Variants in GCSH observed in about 807,000 individuals in gnomAD.
GCSH encodes the protein glycine cleavage system protein H, also known as glycine cleavage system H protein, mitochondrial.
GCSH carries 15 observed loss-of-function variants against 21.3 expected under a neutral mutation model. The ratio of observed to expected loss-of-function variants is 0.70; its 90% CI spans 0.47 to 1.08. The LOEUF (loss-of-function observed/expected upper bound fraction) is 1.08, where lower values mean the gene tolerates loss of function less well. Ranked by LOEUF, GCSH falls within the 50% of genes least tolerant of loss-of-function variation. GCSH has a pLI of 0.00. For missense variants in GCSH, 179 were observed against 217.5 expected, an observed-to-expected ratio of 0.82 and a Z score of 1.11; for synonymous variants, 59 against 84.5, an observed-to-expected ratio of 0.70 and a Z score of 1.66.
chr16:81,086,943 G>A (rs1191176607), intron 3 of GCSH, among the ~76,000 whole-genome samples: 1 of 152,122 alleles, frequency 6.6e-6, no homozygotes, highest in African/African-American at 2.4e-5. Context: ...GTACACTTCT[G>A]GTCCATGCAT....
At chr16:81,087,050 C>T (rs527460581) in intron 3 of GCSH, among the ~76,000 whole-genome samples, 1 of 152,094 alleles carries the variant, frequency 6.6e-6, no homozygotes, top group Admixed American at 6.5e-5. Context: ...TCTAACATAT[C>T]GATATTAATA....
chr16:81,093,397 G>A (rs754954686), intron 1 of GCSH, among the ~76,000 whole-genome samples: 96 of 152,140 alleles, frequency 6.3e-4, no homozygotes, highest in Non-Finnish European at 1.1e-3. Flanking sequence ...TAAGGCTGCT[G>A]TGACCCTCAT....
In GCSH at chr16:81,096,391, G is replaced by A. The variant is rs1972513601; in HGVS notation, c.-113C>T. 3.6e-6 allele frequency: 3 copies of A among 835,626 alleles called. No individual in the cohort carries two copies. Among genetic ancestry groups the A allele is most frequent in the Non-Finnish European group, 4.9e-6 (3 of 608,680 alleles). 51.8% of individuals were successfully genotyped at this position (835,626 alleles called of 1,614,324 possible). On this transcript the variant is annotated 5_prime_UTR_variant, in exon 1 of 5. Coordinates refer to ENST00000315467, the MANE Select transcript of GCSH (RefSeq NM_004483.5). ...GAGCCGGCTGGATGGAGGCGCGGAG[G>A]CGGTGCCGCGGGGGCGGGACAGAGC... is the stretch of plus-strand genomic sequence containing the variant.
At chr16:81,090,768 C>G in intron 1 of GCSH, 88 bp from the exon 2 acceptor site, 1 of 931,140 alleles carries the variant, frequency 1.1e-6, no homozygotes, top group East Asian at 2.4e-5. Flanking sequence ...AAAGACTTTC[C>G]CAGAATTTCT....
intron 1 of GCSH, among the ~76,000 whole-genome samples, chr16:81,094,601 G>T (rs6420421): frequency 0.87 from 131,841 of 152,170 alleles, 57,643 homozygotes; most frequent in South Asian, 0.97. Context: ...TAGTGATGTA[G>T]GGATCCCTAT....
intron 3 of GCSH, among the ~76,000 whole-genome samples, chr16:81,084,949 C>T (rs7203674): frequency 0.96 from 142,981 of 148,484 alleles, 69,153 homozygotes; most frequent in Middle Eastern, 1. Context: ...TCTCCTGATG[C>T]CGTGATCCGC....
chr16:81,081,962 T>G lies in GCSH; in HGVS notation c.*904A>C, dbSNP rs1270319576. ...GTCCATTATCTGAGCTCATAAAGCTTCAGTCCTTGTCCACTTTTATTCCCA... is the reference window on the plus strand; with the variant it reads ...GTCCATTATCTGAGCTCATAAAGCTGCAGTCCTTGTCCACTTTTATTCCCA... On this transcript the variant is annotated 3_prime_UTR_variant, in exon 5 of 5. Coordinates refer to ENST00000315467, the MANE Select transcript of GCSH (RefSeq NM_004483.5). 1 of 448,386 alleles carries G rather than the reference T, an allele frequency of 2.2e-6. No homozygotes were observed. Among genetic ancestry groups the G allele is most frequent in the Admixed American group, 2.4e-5 (1 of 42,304 alleles). The allele number at this position is 448,386 out of a possible 1,614,324, so 27.8% of individuals were successfully genotyped here.
At chr16:81,088,095 C>T (rs1180522344) in intron 2 of GCSH, among the ~76,000 whole-genome samples, 1 of 152,054 alleles carries the variant, frequency 6.6e-6, no homozygotes, top group Non-Finnish European at 1.5e-5. Context: ...CTGTATACTC[C>T]AGCCTTGGCG....
At chr16:81,087,557 A>C (rs1294631972) in intron 3 of GCSH, 44 bp downstream of exon 3, 1 of 1,370,700 alleles carries the variant, frequency 7.3e-7, no homozygotes. Context: ...CAATGTAAAC[A>C]AAATTCATGG....
intron 4 of GCSH, 64 bp from the exon 5 acceptor site, chr16:81,083,027 C>T (rs551360558): frequency 4.3e-5 from 43 of 994,900 alleles, no homozygotes; most frequent in South Asian, 4.3e-4. Flanking sequence ...TCATCCAAAA[C>T]GTAAAATAAA....
chr16:81,091,302 C>T (rs1972392812), intron 1 of GCSH: 1 of 344,068 alleles, frequency 2.9e-6, no homozygotes, highest in African/African-American at 2.2e-5. Flanking sequence ...ATAGCACTAC[C>T]ATCGCTTAAA....
At chr16:81,083,544 A>G (rs549099666) in intron 4 of GCSH, 14 of 159,566 alleles carry the variant, frequency 8.8e-5, no homozygotes, top group African/African-American at 3.1e-4. Context: ...AAGTCCTTAA[A>G]TATATGATCC....
chr16:81,089,948 C>A (rs1274522274), intron 2 of GCSH, among the ~76,000 whole-genome samples: 1 of 152,166 alleles, frequency 6.6e-6, no homozygotes, highest in Non-Finnish European at 1.5e-5. Flanking sequence ...TTGCCCAGTA[C>A]AAAACACACA....
At chr16:81,085,306 C>T (rs959960839) in intron 3 of GCSH, among the ~76,000 whole-genome samples, 1 of 152,182 alleles carries the variant, frequency 6.6e-6, no homozygotes, top group African/African-American at 2.4e-5. Flanking sequence ...AGCCACCGTG[C>T]CTGGCCTACA....
chr16:81,085,108 G>C (rs568191780), intron 3 of GCSH, among the ~76,000 whole-genome samples: 1 of 138,652 alleles, frequency 7.2e-6, no homozygotes, highest in Admixed American at 8.0e-5. Context: ...TCTGCCTCCC[G>C]GGTTCAAGCC....
intron 1 of GCSH, among the ~76,000 whole-genome samples, chr16:81,094,581 G>C (rs1257322862): frequency 6.6e-6 from 1 of 152,032 alleles, no homozygotes; most frequent in Non-Finnish European, 1.5e-5. Flanking sequence ...CTTTACCTTT[G>C]TATTCAAATT....
chr16:81,093,893 T>C (rs184006361), intron 1 of GCSH, among the ~76,000 whole-genome samples: 29 of 152,186 alleles, frequency 1.9e-4, no homozygotes, highest in African/African-American at 6.0e-4. Context: ...AGTGGATAGA[T>C]TAGGTAAATA....
At chr16:81,087,449 G>A in intron 3 of GCSH, 152 bp downstream of exon 3, 1 of 683,962 alleles carries the variant, frequency 1.5e-6, no homozygotes, top group Non-Finnish European at 2.6e-6. Context: ...AGTGGGCCGA[G>A]ATGGTGCCAC....
rs1340693619 is a variant in GCSH at position 81,084,465 on chromosome 16, T to C, written c.422A>G (p.Asp141Gly). Reference sequence around the variant, plus strand: ...AGAAATTTCTAGCAACAGCTTACCATCTTCATAACAAGATTTGTTTACAAG... The same window carrying C: ...AGAAATTTCTAGCAACAGCTTACCACCTTCATAACAAGATTTGTTTACAAG... ...PGLVNKSCYE[D>G]GWLIKMTLSN... The change falls in exon 4 of 5, where the codon GAT (aspartate) becomes GGT (glycine). Residue 141 changes from aspartate (D) to glycine (G), a missense_variant and splice_region_variant. Transcript: ENST00000315467. 6.2e-7 allele frequency: 1 copy of C among 1,608,630 alleles called. No individual in the cohort carries two copies. The highest frequency in any genetic ancestry group is 1.1e-5 in the South Asian group (1 of 90,980).
Sources: gnomAD v4.1 joint callset for allele counts (sites outside exome capture counted in the v4.1 genomes callset) on GRCh38, gnomAD v4.1.1 for gene constraint, MANE v1.5 for transcripts, NCBI Gene and HGNC (gene_info 2026-07-23, HGNC 2026-07-21) for gene names.